The following FGF10 variants were observed in gnomAD, a reference collection of about 807,000 sequenced individuals.
FGF10 encodes the protein fibroblast growth factor 10.
Under a neutral mutation model 19.8 loss-of-function variants are expected in FGF10, and 2 were observed. That is an observed-to-expected ratio of 0.10 (90% CI 0.04 to 0.32). The LOEUF is 0.32. Ranked by LOEUF, FGF10 falls within the 10% of genes least tolerant of loss-of-function variation. The probability of loss-of-function intolerance (pLI) is 1.00; values close to 1 mark genes in which losing one functional copy is unlikely to be tolerated. For synonymous variants in FGF10, 112 were observed against 94.0 expected (o/e 1.19, Z -1.10); for missense variants, 191 against 246.3 (o/e 0.78, Z 1.50).
chr5:44,339,058 AT>A (rs995400718), intron 1 of FGF10, among the ~76,000 whole-genome samples: 1 of 152,058 alleles, frequency 6.6e-6, no homozygotes, highest in Non-Finnish European at 1.5e-5. Flanking sequence ...TCCTTTTACT[AT>A]TTTTTCTAAA....
intron 1 of FGF10, among the ~76,000 whole-genome samples, chr5:44,362,313 A>T (rs1417289718): frequency 6.6e-6 from 1 of 151,612 alleles, no homozygotes; most frequent in East Asian, 1.9e-4. Flanking sequence ...TCCTTCTTGA[A>T]ACTTGAATTG....
At chr5:44,364,233 T>C (rs1015360548) in intron 1 of FGF10, among the ~76,000 whole-genome samples, 3 of 151,834 alleles carry the variant, frequency 2.0e-5, no homozygotes, top group African/African-American at 7.2e-5. Context: ...TTAGACGTAT[T>C]AAGAAAACGT....
At chr5:44,387,121 C>T (rs1742117670) in intron 1 of FGF10, among the ~76,000 whole-genome samples, 1 of 152,190 alleles carries the variant, frequency 6.6e-6, no homozygotes, top group Non-Finnish European at 1.5e-5. Context: ...TGTCTACTGT[C>T]TTCAGTGTGC....
chr5:44,323,909 G>T (rs1740554240), intron 1 of FGF10, among the ~76,000 whole-genome samples: 1 of 152,084 alleles, frequency 6.6e-6, no homozygotes, highest in Non-Finnish European at 1.5e-5. Context: ...CATTTTATGT[G>T]GGAATTGGTG....
At chr5:44,374,300 T>G (rs1317524141) in intron 1 of FGF10, among the ~76,000 whole-genome samples, 3 of 152,156 alleles carry the variant, frequency 2.0e-5, no homozygotes, top group Non-Finnish European at 1.5e-5. Context: ...ATTAAGGGCC[T>G]ACCTGGACAA....
chr5:44,307,871 T>C, intron 2 of FGF10, among the ~76,000 whole-genome samples: 1 of 152,200 alleles, frequency 6.6e-6, no homozygotes, highest in Non-Finnish European at 1.5e-5. Context: ...CAAAAAAGAA[T>C]GTTATGGTTA....
intron 1 of FGF10, among the ~76,000 whole-genome samples, chr5:44,374,265 C>T (rs958380703): frequency 1.3e-5 from 2 of 152,096 alleles, no homozygotes; most frequent in Non-Finnish European, 2.9e-5. Flanking sequence ...CCTTGTGTCT[C>T]TCTTATAAGG....
intron 1 of FGF10, among the ~76,000 whole-genome samples, chr5:44,333,924 T>C (rs1349359913): frequency 6.6e-6 from 1 of 152,080 alleles, no homozygotes. Flanking sequence ...CTTGTATCTC[T>C]GTTTTAAGTT....
intron 1 of FGF10, among the ~76,000 whole-genome samples, chr5:44,354,832 T>C (rs1184406927): frequency 2.0e-5 from 3 of 151,510 alleles, no homozygotes; most frequent in Non-Finnish European, 3.0e-5. Context: ...ACATGTAATA[T>C]AATAACAATC....
At chr5:44,323,650 T>G (rs906229683) in intron 1 of FGF10, among the ~76,000 whole-genome samples, 4 of 152,178 alleles carry the variant, frequency 2.6e-5, no homozygotes, top group Non-Finnish European at 5.9e-5. Context: ...TGAAACACTT[T>G]TATTAAGTCT....
chr5:44,343,324 A>G (rs775980363), intron 1 of FGF10, among the ~76,000 whole-genome samples: 3 of 152,010 alleles, frequency 2.0e-5, no homozygotes, highest in Non-Finnish European at 4.4e-5. Flanking sequence ...CTTAAAGCCT[A>G]TTGCTAATAT....
intron 1 of FGF10, among the ~76,000 whole-genome samples, chr5:44,328,525 A>G (rs10055317): frequency 0.12 from 18,449 of 152,202 alleles, 2,755 homozygotes; most frequent in African/African-American, 0.35. Flanking sequence ...TGGGAAGCCA[A>G]TGCAGGAGGA....
rs1741904351 is a variant in FGF10, at chr5:44,378,003, C to G, written c.325+10355G>C. The stretch of plus-strand genomic sequence containing the variant: ...AATTTAAATGCTACTGATAAGCAAT[C>G]ATTTTCTTACACTTATTCATACATA... On this transcript the variant is annotated intron_variant, in intron 1 of 2. Transcript: ENST00000264664. Among the ~76,000 whole-genome samples, 2 of 152,172 alleles carry G rather than the reference C, an allele frequency of 1.3e-5. 1 individual carries two copies. Among genetic ancestry groups the G allele is most frequent in the South Asian group, 4.1e-4 (2 of 4,832 alleles).
chr5:44,372,306 A>G (rs1435131405), intron 1 of FGF10, among the ~76,000 whole-genome samples: 1 of 152,066 alleles, frequency 6.6e-6, no homozygotes, highest in African/African-American at 2.4e-5. Context: ...CTCTGCTTCC[A>G]TCCTCAAATC....
intron 1 of FGF10, among the ~76,000 whole-genome samples, chr5:44,366,268 G>C (rs977594973): frequency 1.0e-4 from 15 of 147,258 alleles, no homozygotes; most frequent in African/African-American, 3.5e-4. Flanking sequence ...TTTATGCTTT[G>C]TTGAGAACAA....
At chr5:44,361,063 G>A (rs1741470721) in intron 1 of FGF10, among the ~76,000 whole-genome samples, 1 of 151,662 alleles carries the variant, frequency 6.6e-6, no homozygotes, top group Non-Finnish European at 1.5e-5. Context: ...AAATGTCTTT[G>A]TTAAAAGGTA....
intron 1 of FGF10, among the ~76,000 whole-genome samples, chr5:44,312,007 A>G (rs1740222178): frequency 6.6e-6 from 1 of 152,036 alleles, no homozygotes; most frequent in African/African-American, 2.4e-5. Flanking sequence ...CCAAGACTAC[A>G]TGTCAGAGAC....
chr5:44,310,308 G>A, intron 2 of FGF10, 119 bp downstream of exon 2: 2 of 708,364 alleles, frequency 2.8e-6, no homozygotes, highest in East Asian at 2.8e-5. Context: ...CTAACCCACT[G>A]TGGCTCTATT....
At chr5:44,377,262 C>T (rs1024261216) in intron 1 of FGF10, among the ~76,000 whole-genome samples, 2 of 152,180 alleles carry the variant, frequency 1.3e-5, no homozygotes, top group African/African-American at 2.4e-5. Flanking sequence ...TGCTTCTTGG[C>T]ATTGAGTAGA....
Sources: gnomAD v4.1 joint callset for allele counts (sites outside exome capture counted in the v4.1 genomes callset) on GRCh38, gnomAD v4.1.1 for gene constraint, MANE v1.5 for transcripts, NCBI Gene and HGNC (gene_info 2026-07-23, HGNC 2026-07-21) for gene names.